Variants in MTMR3 observed in about 807,000 individuals in gnomAD.
The protein encoded by MTMR3 is myotubularin related protein 3.
MTMR3 carries 32 observed loss-of-function variants against 132.4 expected under a neutral mutation model. That is an observed-to-expected ratio of 0.24 (90% CI 0.18 to 0.32). The LOEUF is 0.32. Ranked by LOEUF, MTMR3 falls within the 10% of genes least tolerant of loss-of-function variation. The pLI, the probability that MTMR3 is intolerant of heterozygous loss-of-function variation, is 1.00. For missense variants in MTMR3, 1,216 were observed against 1,489.6 expected, an observed-to-expected ratio of 0.82 and a Z score of 3.02; for synonymous variants, 556 against 550.3, an observed-to-expected ratio of 1.01 and a Z score of -0.14.
rs759260523 is a variant in MTMR3 at position 30,025,621 on chromosome 22, C to T, written c.3426-9C>T. On this transcript the variant is annotated splice_polypyrimidine_tract_variant and intron_variant, in intron 19 of 19. Transcript: ENST00000401950. ...AAACTAACATTGTTCTGTTTCTTCT[C>T]ATCTCAAGGAATTGTGGGAACGTAT... The T allele has an allele frequency of 3.1e-6, 5 of 1,614,014 alleles. No individual in the cohort carries two copies. Among genetic ancestry groups the T allele is most frequent in the Non-Finnish European group, 4.2e-6 (5 of 1,179,976 alleles).
intron 1 of MTMR3, among the ~76,000 whole-genome samples, chr22:29,910,409 T>A (rs1004143993): frequency 1.3e-5 from 2 of 152,222 alleles, no homozygotes; most frequent in African/African-American, 4.8e-5. Context: ...AACACTCAGT[T>A]GTTTCAGAGT....
intron 1 of MTMR3, among the ~76,000 whole-genome samples, chr22:29,924,482 GCAGT>G (rs1440338439): frequency 6.6e-6 from 1 of 152,124 alleles, no homozygotes; most frequent in Non-Finnish European, 1.5e-5. Flanking sequence ...AGTAAGTTTT[GCAGT>G]CAGTTAGTGT....
intron 2 of MTMR3, among the ~76,000 whole-genome samples, chr22:29,966,726 CGTGTGT>C (rs55960706): frequency 0.073 from 10,373 of 142,788 alleles, 719 homozygotes; most frequent in African/African-American, 0.2. Flanking sequence ...TAGGGGTGTG[CGTGTGT>C]GTGTGTGTGT....
chr22:29,905,791 T>C (rs2065082279), intron 1 of MTMR3, among the ~76,000 whole-genome samples: 1 of 152,232 alleles, frequency 6.6e-6, no homozygotes, highest in Non-Finnish European at 1.5e-5. Flanking sequence ...ATTTTTGATA[T>C]TAAAACAATT....
chr22:29,994,254 T>C (rs918165629), intron 7 of MTMR3: 51 of 459,370 alleles, frequency 1.1e-4, no homozygotes, highest in Non-Finnish European at 1.5e-4. Context: ...TCCACATTGA[T>C]GTTAACCTGC....
At chr22:29,960,828 C>G (rs2066297046) in intron 2 of MTMR3, among the ~76,000 whole-genome samples, 1 of 152,118 alleles carries the variant, frequency 6.6e-6, no homozygotes, top group African/African-American at 2.4e-5. Context: ...TATCTTAACA[C>G]TCTGAGTTTA....
In MTMR3 at chr22:30,030,609, G is replaced by A. The variant is rs1190509048; in HGVS notation, c.*4808G>A. ...GGGTATGAATCAGCTCAGCCTCTTA[G>A]GAGAGAGGGGCTCTCAGCGAGGAGG... On this transcript the variant is annotated 3_prime_UTR_variant, in exon 20 of 20. Coordinates refer to ENST00000401950, the MANE Select transcript of MTMR3 (RefSeq NM_021090.4). The A allele has an allele frequency of 7.3e-6, 1 of 136,676 alleles. No individual in the cohort carries two copies. The highest frequency in any genetic ancestry group is 2.4e-4 in the East Asian group (1 of 4,124). The allele number at this position is 136,676 out of a possible 1,614,324, so 8.5% of individuals were successfully genotyped here.
chr22:29,922,535 A>G (rs1471257113), intron 1 of MTMR3, among the ~76,000 whole-genome samples: 1 of 152,128 alleles, frequency 6.6e-6, no homozygotes, highest in Non-Finnish European at 1.5e-5. Context: ...TTGTTTACCC[A>G]TTTATCCATT....
At chr22:29,971,201 GTCTTT>G (rs67814292) in intron 3 of MTMR3, 139 bp downstream of exon 3, 37,386 of 867,502 alleles carry the variant, frequency 0.043, 2,330 homozygotes, top group South Asian at 0.22. Context: ...GATCTCTTGT[GTCTTT>G]TCTTTTCTTG....
intron 1 of MTMR3, among the ~76,000 whole-genome samples, chr22:29,927,972 G>A (rs1324749050): frequency 1.7e-5 from 1 of 58,146 alleles, no homozygotes; most frequent in Non-Finnish European, 3.1e-5. Flanking sequence ...ACGACGTCTT[G>A]CTTTGTCGCC....
In MTMR3 at chr22:29,978,986, C is replaced by A; in HGVS notation, c.144C>A (p.Ala48=). 1 of 1,613,916 alleles carries A rather than the reference C, an allele frequency of 6.2e-7. No individual in the cohort carries two copies. The highest frequency in any genetic ancestry group is 8.5e-7 in the Non-Finnish European group (1 of 1,179,930). ...AGAGCACAGAGTTTGTGGGCCGTGC[C>A]GAGGATGCCATCATTGCCCTTTCCA... ...HGESTEFVGR[A]EDAIIALSNY... is the part of the protein sequence containing the mutation. Residue 48 remains alanine, a synonymous_variant, in exon 5 of 20, where the codon GCC becomes GCA. Transcript: ENST00000401950.
intron 1 of MTMR3, among the ~76,000 whole-genome samples, chr22:29,890,043 C>T (rs1346748665): frequency 1.3e-5 from 2 of 150,898 alleles, no homozygotes. Context: ...AGTAGCTGGG[C>T]GTACAGGCGC....
rs764629136 is a variant in MTMR3 at position 29,927,939 on chromosome 22, G to GTTTTTTTT, written c.-137-29085_-137-29078dup. ...TGTAATGCTAAAATCTCTAGCCTTTGTTTTTTTTTTTTTTTTTTTGAGACG... is the reference window on the plus strand; with the variant it reads ...TGTAATGCTAAAATCTCTAGCCTTTGTTTTTTTTTTTTTTTTTTTTTTTTTTTGAGACG... On this transcript the variant is annotated intron_variant, in intron 1 of 19. Coordinates refer to ENST00000401950, the MANE Select transcript of MTMR3 (RefSeq NM_021090.4). Among the ~76,000 whole-genome samples the GTTTTTTTT allele has an allele frequency of 1.9e-4, 20 of 107,376 alleles. 1 individual carries two copies. The highest frequency in any genetic ancestry group is 8.7e-4 in the East Asian group (3 of 3,452). The allele number at this position is 107,376 out of a possible 152,430, so 70.4% of individuals were successfully genotyped here.
At chr22:29,949,824 G>A (rs2066039327) in intron 1 of MTMR3, among the ~76,000 whole-genome samples, 1 of 152,082 alleles carries the variant, frequency 6.6e-6, no homozygotes, top group African/African-American at 2.4e-5. Context: ...TTTAAGAGGG[G>A]CAGAAGTCAT....
intron 18 of MTMR3, 78 bp from the exon 19 acceptor site, chr22:30,022,528 TTGC>T: frequency 8.0e-7 from 1 of 1,249,018 alleles, no homozygotes; most frequent in Non-Finnish European, 1.2e-6. Context: ...CTTGTGACTC[TTGC>T]TGCCCCCAGC....
intron 2 of MTMR3, among the ~76,000 whole-genome samples, chr22:29,967,128 A>G (rs16988129): frequency 0.019 from 2,711 of 146,066 alleles, 83 homozygotes; most frequent in African/African-American, 0.066. Flanking sequence ...TGATACTGTA[A>G]CTTTTTTGCA....
chr22:29,922,136 C>T (rs1324741428), intron 1 of MTMR3, among the ~76,000 whole-genome samples: 2 of 151,812 alleles, frequency 1.3e-5, no homozygotes, highest in Non-Finnish European at 2.9e-5. Flanking sequence ...AAGTGATTCT[C>T]CTGCCTCAGC....
At chr22:29,892,607 G>T (rs1334460425) in intron 1 of MTMR3, among the ~76,000 whole-genome samples, 2 of 152,010 alleles carry the variant, frequency 1.3e-5, no homozygotes, top group Non-Finnish European at 2.9e-5. Context: ...GTGGCTGCCT[G>T]CCCCCCAACC....
intron 10 of MTMR3, chr22:30,007,666 T>G (rs2067302210): frequency 1.7e-6 from 1 of 573,910 alleles, no homozygotes; most frequent in African/African-American, 1.9e-5. Context: ...GAGACTGGGC[T>G]GTGTGAACCC....
Sources: gnomAD v4.1 joint callset for allele counts (sites outside exome capture counted in the v4.1 genomes callset) on GRCh38, gnomAD v4.1.1 for gene constraint, MANE v1.5 for transcripts, NCBI Gene and HGNC (gene_info 2026-07-23, HGNC 2026-07-21) for gene names.